RFX1: variants seen among roughly 807,000 people sequenced by gnomAD.
RFX1 encodes the protein regulatory factor X1.
In RFX1, 42 loss-of-function variants were observed where a neutral mutation model predicts 119.6. That is an observed-to-expected ratio of 0.35 (90% CI 0.27 to 0.45). The LOEUF (loss-of-function observed/expected upper bound fraction) is 0.45, where lower values mean the gene tolerates loss of function less well. Ranked by LOEUF, RFX1 falls within the 20% of genes least tolerant of loss-of-function variation. RFX1 has a pLI of 1.00. For synonymous variants in RFX1, 628 were observed against 618.5 expected, an observed-to-expected ratio of 1.02 and a Z score of -0.23; for missense variants, 1,118 against 1,368.1, an observed-to-expected ratio of 0.82 and a Z score of 2.88.
At chr19:13,997,647 G>C (rs1975080696) in intron 1 of RFX1, among the ~76,000 whole-genome samples, 1 of 152,262 alleles carries the variant, frequency 6.6e-6, no homozygotes, top group South Asian at 2.1e-4. Flanking sequence ...TCTTGGATGT[G>C]CCCTCTGGGC....
chr19:13,978,682 G>A (rs1974332982), intron 7 of RFX1, among the ~76,000 whole-genome samples: 2 of 152,078 alleles, frequency 1.3e-5, no homozygotes, highest in African/African-American at 4.8e-5. Flanking sequence ...GGGCCTGGTG[G>A]GCGGCCCAGA....
intron 18 of RFX1, 103 bp downstream of exon 18, chr19:13,963,435 G>A: frequency 2.1e-6 from 3 of 1,424,636 alleles, no homozygotes; most frequent in East Asian, 2.5e-5. Context: ...CAGCCTGCCC[G>A]CCCAGCCTGC....
chr19:13,962,982 C>T lies in RFX1; in HGVS notation c.2770+12G>A, dbSNP rs199954679. 216 of 1,550,186 alleles carry T rather than the reference C, an allele frequency of 1.4e-4. No homozygotes were observed. In the African/African-American group the frequency reaches 2.6e-3, roughly 19 times the overall value. On this transcript the variant is annotated intron_variant, in intron 20 of 20. Transcript: ENST00000254325. The stretch of plus-strand genomic sequence containing the variant: ...GGGACCCGCGCCCTGGGTGGGAACA[C>T]GCCTCGCCTACCTTTGTCGGGGTCC...
intron 1 of RFX1, among the ~76,000 whole-genome samples, chr19:13,997,429 A>C (rs981963293): frequency 2.0e-5 from 3 of 152,236 alleles, no homozygotes; most frequent in Admixed American, 2.0e-4. Flanking sequence ...GGGGCTGCTG[A>C]GGGTTCAAGC....
intron 2 of RFX1, among the ~76,000 whole-genome samples, chr19:13,991,684 T>C (rs1436003706): frequency 1.3e-5 from 2 of 152,006 alleles, no homozygotes; most frequent in African/African-American, 4.8e-5. Flanking sequence ...TTTTTTGAGA[T>C]GGATTCTCGC....
chr19:13,983,396 G>A, intron 3 of RFX1, 90 bp downstream of exon 3: 1 of 1,236,904 alleles, frequency 8.1e-7, no homozygotes. Flanking sequence ...CCAGCAGGAA[G>A]CGGGGAGGGG....
At chr19:13,987,829 A>C (rs2145606127) in intron 2 of RFX1, among the ~76,000 whole-genome samples, 1 of 152,254 alleles carries the variant, frequency 6.6e-6, no homozygotes, top group East Asian at 1.9e-4. Flanking sequence ...GACCAAAGTG[A>C]GCCCCAGAGA....
chr19:13,978,396 G>C (rs1974319509), intron 7 of RFX1, among the ~76,000 whole-genome samples: 1 of 152,200 alleles, frequency 6.6e-6, no homozygotes, highest in South Asian at 2.1e-4. Context: ...CAGGGGCAAG[G>C]CTATCGCTGG....
intron 3 of RFX1, 48 bp downstream of exon 3, chr19:13,983,438 G>A (rs1568471937): frequency 6.9e-7 from 1 of 1,444,074 alleles, no homozygotes; most frequent in South Asian, 1.2e-5. Context: ...AGCCTGCACT[G>A]CCCCCCTCCC....
At chr19:13,970,241 C>T (rs1974036003) in intron 9 of RFX1, 66 bp from the exon 10 acceptor site, 1 of 1,414,010 alleles carries the variant, frequency 7.1e-7, no homozygotes, top group Admixed American at 2.2e-5. Context: ...AGTGCTGGGG[C>T]TGAGTGCCCC....
intron 1 of RFX1, among the ~76,000 whole-genome samples, chr19:14,001,093 T>C (rs1242170568): frequency 6.6e-6 from 1 of 152,064 alleles, no homozygotes; most frequent in Non-Finnish European, 1.5e-5. Context: ...AAAAAAATGC[T>C]GCAGATCCAT....
chr19:13,994,937 T>TAATC (rs1974958398), intron 1 of RFX1, among the ~76,000 whole-genome samples: 1 of 111,504 alleles, frequency 9.0e-6, no homozygotes, highest in Non-Finnish European at 1.8e-5. Flanking sequence ...TATATATATA[T>TAATC]AATCATTTTT....
intron 18 of RFX1, 67 bp from the exon 19 acceptor site, chr19:13,963,342 C>G: frequency 6.5e-7 from 1 of 1,531,836 alleles, no homozygotes; most frequent in Non-Finnish European, 8.8e-7. Flanking sequence ...CCCCTCCCCG[C>G]TGCGATGCGC....
In RFX1 at chr19:13,968,433, C is replaced by G. The variant is rs1458278489; in HGVS notation, c.1732+132G>C. 1 of 710,254 alleles carries G rather than the reference C, an allele frequency of 1.4e-6. No individual in the cohort carries two copies. The highest frequency in any genetic ancestry group is 2.0e-5 in the Admixed American group (1 of 49,712). The allele number at this position is 710,254 out of a possible 1,614,324, so 44.0% of individuals were successfully genotyped here. On this transcript the variant is annotated intron_variant, in intron 12 of 20. Coordinates refer to ENST00000254325, the MANE Select transcript of RFX1 (RefSeq NM_002918.5). The surrounding 1 kb of genome is among the most constrained non-coding windows in gnomAD (Gnocchi z 5.5). ...GAGACTGTGATGTCTCCCCCACCCCCTGCTGGTTCTCGGGCATCTCTCACC... is the reference window on the plus strand; with the variant it reads ...GAGACTGTGATGTCTCCCCCACCCCGTGCTGGTTCTCGGGCATCTCTCACC...
chr19:14,003,514 G>A lies in RFX1; in HGVS notation c.-53+2589C>T, dbSNP rs573812310. Among the ~76,000 whole-genome samples, 17 of 151,696 alleles carry A rather than the reference G, an allele frequency of 1.1e-4. No individual in the cohort carries two copies. The South Asian group carries it at 2.1e-3, about 19-fold the overall frequency. On this transcript the variant is annotated intron_variant, in intron 1 of 20. Coordinates refer to ENST00000254325, the MANE Select transcript of RFX1 (RefSeq NM_002918.5). ...AAATAAAAGCCAACGGTGTATTTCC[G>A]AGGGTTGAACAGGAAGCGACAATCA...
intron 1 of RFX1, among the ~76,000 whole-genome samples, chr19:14,001,946 G>A (rs1011458862): frequency 3.3e-5 from 5 of 152,196 alleles, no homozygotes; most frequent in African/African-American, 9.7e-5. Flanking sequence ...CACCAGCCTG[G>A]CCAACATGGT....
At position 13,990,790 on chromosome 19, in the gene RFX1, C is replaced by G. The variant is rs867806926; in HGVS notation, c.319+2735G>C. Among the ~76,000 whole-genome samples, 17 of 151,716 alleles carry G rather than the reference C, an allele frequency of 1.1e-4. No individual in the cohort carries two copies. The highest frequency in any genetic ancestry group is 4.1e-4 in the African/African-American group (17 of 41,276). On this transcript the variant is annotated intron_variant, in intron 2 of 20. Transcript: ENST00000254325. This position sits in a 1 kb window ranked among gnomAD's most constrained non-coding sequence, Gnocchi z 4.1. ...CGAGATCCTGCCACTGCACTCCAGC[C>G]TGGGTGTCAGAGCGAGACTTTGTCT...
chr19:13,978,488 G>A (rs1974323632), intron 7 of RFX1, among the ~76,000 whole-genome samples: 2 of 152,094 alleles, frequency 1.3e-5, no homozygotes, highest in Non-Finnish European at 2.9e-5. Flanking sequence ...CTGGGGCCCC[G>A]GTTGGTGGGA....
Position 13,969,750 on chromosome 19 carries a change from A to G in RFX1, c.1496+244T>C, listed in dbSNP as rs1329705602. ...GGGGTGTCGGGCAGGGGAGAGGGGG[A>G]GGCTGCAGTTTTAGTTGAGGCAGTC... On this transcript the variant is annotated intron_variant, in intron 10 of 20. Coordinates refer to ENST00000254325, the MANE Select transcript of RFX1 (RefSeq NM_002918.5). This position sits in a 1 kb window ranked among gnomAD's most constrained non-coding sequence, Gnocchi z 4.5. 2.4e-6 allele frequency: 1 copy of G among 418,452 alleles called. No individual in the cohort carries two copies. Among genetic ancestry groups the G allele is most frequent in the Non-Finnish European group, 4.2e-6 (1 of 236,124 alleles). The allele number at this position is 418,452 out of a possible 1,614,324, so 25.9% of individuals were successfully genotyped here.
Sources: gnomAD v4.1 joint callset for allele counts (sites outside exome capture counted in the v4.1 genomes callset) on GRCh38, gnomAD v4.1.1 for gene constraint, Gnocchi (gnomAD v3.1) non-coding constraint, MANE v1.5 for transcripts, NCBI Gene and HGNC (gene_info 2026-07-23, HGNC 2026-07-21) for gene names.